Variants in MOCOS observed in about 807,000 individuals in gnomAD.
MOCOS encodes the protein human molybdenum cofactor sulfurase.
MOCOS carries 86 observed loss-of-function variants against 83.6 expected under a neutral mutation model. The observed-to-expected ratio is 1.03, with a 90% CI of 0.86 to 1.23. The LOEUF (loss-of-function observed/expected upper bound fraction) is 1.23, where lower values mean the gene tolerates loss of function less well. Ranked by LOEUF, MOCOS falls within the 50% of genes most tolerant of loss-of-function variation. The pLI is 0.00. For synonymous variants in MOCOS, 445 were observed against 434.7 expected (o/e 1.02, Z -0.29); for missense variants, 1,120 against 1,126.9 (o/e 0.99, Z 0.09).
Position 36,220,205 on chromosome 18 carries a change from A to T in MOCOS, c.1948A>T (p.Ile650Phe), listed in dbSNP as rs1661673025. The change falls in exon 9 of 15, where the codon ATC becomes TTC. Residue 650 changes from isoleucine (I) to phenylalanine (F), a missense_variant. By Grantham distance (21) the Ile-to-Phe change is conservative. Transcript: ENST00000261326. ...CGACTTGCGGCAAAGGATCATGGTC[A>T]TCAAAGCCAAAGGTGGGAAAACTGC... ...FIDLRQRIMVIKAKGMEPIEV... is the reference protein window; with the variant it reads ...FIDLRQRIMVFKAKGMEPIEV... 1 of 1,614,088 alleles carries T rather than the reference A, an allele frequency of 6.2e-7. No homozygotes were observed. Among genetic ancestry groups the T allele is most frequent in the Non-Finnish European group, 8.5e-7 (1 of 1,180,046 alleles).
In MOCOS at chr18:36,220,194, G is replaced by C. The variant is rs757033215; in HGVS notation, c.1937G>C (p.Arg646Thr). Residue 646 changes from arginine (R) to threonine (T), a missense_variant, in exon 9 of 15, where the codon AGG (arginine) becomes ACG (threonine). Physicochemically the swap from Arg to Thr is moderately conservative, Grantham distance 71. Transcript: ENST00000261326. Reference protein sequence around the residue: ...LIQPFIDLRQRIMVIKAKGME... With the variant: ...LIQPFIDLRQTIMVIKAKGME... Reference sequence around the variant, plus strand: ...CAGCCCTTCATCGACTTGCGGCAAAGGATCATGGTCATCAAAGCCAAAGGT... The same window carrying C: ...CAGCCCTTCATCGACTTGCGGCAAACGATCATGGTCATCAAAGCCAAAGGT... The C allele has an allele frequency of 2.5e-6, 4 of 1,614,056 alleles. No individual in the cohort carries two copies. The highest frequency in any genetic ancestry group is 3.4e-6 in the Non-Finnish European group (4 of 1,180,056).
intron 9 of MOCOS, among the ~76,000 whole-genome samples, chr18:36,242,112 T>C (rs1473044239): frequency 2.0e-5 from 3 of 152,250 alleles, no homozygotes; most frequent in Non-Finnish European, 4.4e-5. Context: ...TGCAAATTTC[T>C]ACAGCAGCGT....
chr18:36,260,611 C>T (rs2091660518), intron 13 of MOCOS, among the ~76,000 whole-genome samples: 1 of 152,188 alleles, frequency 6.6e-6, no homozygotes, highest in Non-Finnish European at 1.5e-5. Flanking sequence ...TTCACCTTTT[C>T]TGCCTTTGCT....
In MOCOS at chr18:36,213,493, G is replaced by A; in HGVS notation, c.1335+11G>A. The stretch of plus-strand genomic sequence containing the variant: ...AGGAAGCATTTTCAGGTTGGTACAG[G>A]GCTCTGCGATCCAGACGCTGGTCAG... On this transcript the variant is annotated intron_variant, in intron 7 of 14. Coordinates refer to ENST00000261326, the MANE Select transcript of MOCOS (RefSeq NM_017947.4). 6.2e-7 allele frequency: 1 copy of A among 1,606,840 alleles called. No homozygotes were observed. Among genetic ancestry groups the A allele is most frequent in the Non-Finnish European group, 8.5e-7 (1 of 1,174,196 alleles).
chr18:36,189,394 C>T (rs2091356155), intron 1 of MOCOS, among the ~76,000 whole-genome samples: 1 of 152,216 alleles, frequency 6.6e-6, no homozygotes, highest in Admixed American at 6.5e-5. Context: ...GCCCCTCCCA[C>T]TGCTGGGAGT....
chr18:36,230,594 C>T (rs901388897), intron 9 of MOCOS, among the ~76,000 whole-genome samples: 3 of 152,158 alleles, frequency 2.0e-5, no homozygotes, highest in East Asian at 1.9e-4. Context: ...CATTCTCTTG[C>T]GAGTGGCTTC....
intron 8 of MOCOS, among the ~76,000 whole-genome samples, chr18:36,218,335 G>GA (rs780120200): frequency 6.7e-6 from 1 of 148,704 alleles, no homozygotes; most frequent in Non-Finnish European, 1.5e-5. Context: ...ACCTTTTATG[G>GA]CTTTTTTTTT....
At chr18:36,199,635 T>G (rs763591795) in intron 3 of MOCOS, 48 bp from the exon 4 acceptor site, 7 of 1,610,844 alleles carry the variant, frequency 4.3e-6, no homozygotes, top group Non-Finnish European at 5.9e-6. Flanking sequence ...AAACATTCAG[T>G]GCTGGGGCTG....
intron 2 of MOCOS, among the ~76,000 whole-genome samples, chr18:36,195,989 G>A (rs143276385): frequency 2.0e-5 from 3 of 152,256 alleles, no homozygotes; most frequent in East Asian, 1.9e-4. Context: ...TCAGACAAGA[G>A]GGGGAGAAGT....
chr18:36,267,750 A>G (rs550730528), intron 14 of MOCOS, among the ~76,000 whole-genome samples: 48 of 152,296 alleles, frequency 3.2e-4, no homozygotes, highest in African/African-American at 1.1e-3. Context: ...GCACAAATAC[A>G]ATACTAAGGT....
In MOCOS at chr18:36,208,112, G is replaced by A. The variant is rs573357789; in HGVS notation, c.1218+2836G>A. 1.7e-4 allele frequency among the ~76,000 whole-genome samples: 26 copies of A among 152,206 alleles called. No homozygotes were observed. In the East Asian group the frequency reaches 2.7e-3, roughly 16 times the overall value. ...AAAGATCTGAGGGTTGTAGGTGTGCGGCTTTATTTCTGGGTTCTCTAACCT... is the reference window on the plus strand; with the variant it reads ...AAAGATCTGAGGGTTGTAGGTGTGCAGCTTTATTTCTGGGTTCTCTAACCT... On this transcript the variant is annotated intron_variant, in intron 6 of 14. Transcript: ENST00000261326.
chr18:36,260,390 G>A (rs1033345174), intron 13 of MOCOS, among the ~76,000 whole-genome samples: 1 of 152,136 alleles, frequency 6.6e-6, no homozygotes, highest in African/African-American at 2.4e-5. Flanking sequence ...AGTCAGTTTC[G>A]CACACACCAC....
At chr18:36,214,349 A>G (rs543394618) in intron 7 of MOCOS, among the ~76,000 whole-genome samples, 21 of 152,168 alleles carry the variant, frequency 1.4e-4, no homozygotes, top group Admixed American at 4.6e-4. Flanking sequence ...AACCATTTAA[A>G]GGCAAGGGAG....
chr18:36,268,457 C>CATTAAT, intron 14 of MOCOS, 76 bp from the exon 15 acceptor site: 3 of 1,585,940 alleles, frequency 1.9e-6, no homozygotes, highest in Non-Finnish European at 2.6e-6. Context: ...TTTAGTTAAA[C>CATTAAT]ATTAATATTT....
At chr18:36,261,834 C>T (rs934596460) in intron 13 of MOCOS, among the ~76,000 whole-genome samples, 1 of 152,044 alleles carries the variant, frequency 6.6e-6, no homozygotes, top group Non-Finnish European at 1.5e-5. Context: ...TAAAAAAATG[C>T]CTACTGTTAC....
chr18:36,236,954 A>T (rs2091561832), intron 9 of MOCOS, among the ~76,000 whole-genome samples: 1 of 152,066 alleles, frequency 6.6e-6, no homozygotes, highest in Non-Finnish European at 1.5e-5. Flanking sequence ...GGTGTGTAGG[A>T]ATGCTTGTGA....
intron 6 of MOCOS, among the ~76,000 whole-genome samples, chr18:36,205,510 G>A (rs1243368164): frequency 2.6e-5 from 4 of 152,168 alleles, no homozygotes; most frequent in Non-Finnish European, 4.4e-5. Context: ...GAAACTGTTG[G>A]GTCTTTGCCA....
rs1015984621 is a variant in MOCOS at position 36,215,606 on chromosome 18, G to C, written c.1426G>C (p.Asp476His). The change falls in exon 8 of 15, where the codon GAT (aspartate) becomes CAT (histidine). Residue 476 changes from aspartate to histidine, a missense_variant. Transcript: ENST00000261326. ...TTCATTTGGATACATGTCGACGCTG[G>C]ATGATGTCCAGGCCTTTCTTAGGTT... Reference protein sequence around the residue: ...RISFGYMSTLDDVQAFLRFII... With the variant: ...RISFGYMSTLHDVQAFLRFII... 14 of 1,614,006 alleles carry C rather than the reference G, an allele frequency of 8.7e-6. No homozygotes were observed. Among genetic ancestry groups the C allele is most frequent in the African/African-American group, 2.7e-5 (2 of 74,906 alleles).
chr18:36,201,146 C>T (rs565311830), intron 4 of MOCOS, among the ~76,000 whole-genome samples: 20 of 152,228 alleles, frequency 1.3e-4, no homozygotes, highest in South Asian at 6.2e-4. Flanking sequence ...CTCCAGGGTC[C>T]GGAGAAGGCC....
Sources: gnomAD v4.1 joint callset for allele counts (sites outside exome capture counted in the v4.1 genomes callset) on GRCh38, gnomAD v4.1.1 for gene constraint, MANE v1.5 for transcripts, NCBI Gene and HGNC (gene_info 2026-07-23, HGNC 2026-07-21) for gene names.